KIF4A: variants seen among roughly 807,000 people sequenced by gnomAD.
The protein encoded by KIF4A is chromosome-associated kinesin KIF4A.
A neutral mutation model predicts 105.9 loss-of-function variants in KIF4A; 7 were observed. The observed-to-expected ratio is 0.07, with a 90% CI of 0.04 to 0.12. The LOEUF (loss-of-function observed/expected upper bound fraction) is 0.12. Ranked by LOEUF, KIF4A falls within the 10% of genes least tolerant of loss-of-function variation. KIF4A has a pLI of 1.00. For missense variants in KIF4A, 558 were observed against 929.2 expected (o/e 0.60, Z 5.19); for synonymous variants, 281 against 331.3 (o/e 0.85, Z 1.65).
intron 13 of KIF4A, among the ~76,000 whole-genome samples, chrX:70,349,563 G>T (rs1253431070): frequency 1.6e-5 from 1 of 61,674 alleles, no homozygotes; most frequent in South Asian, 1.1e-3. Context: ...GCACTCCTCA[G>T]TTCCCAGACG....
chrX:70,387,987 G>A (rs747190249), intron 20 of KIF4A, among the ~76,000 whole-genome samples: 8 of 111,175 alleles, frequency 7.2e-5, no homozygotes, highest in Non-Finnish European at 1.5e-4. Flanking sequence ...GTATCCCTCT[G>A]TAATCCCTTC....
chrX:70,349,889 G>C (rs1220833287), intron 13 of KIF4A, among the ~76,000 whole-genome samples: 1 of 82,211 alleles, frequency 1.2e-5, no homozygotes, highest in African/African-American at 4.5e-5. Flanking sequence ...TCCTAGACGG[G>C]GTGGCGGCCG....
Position 70,404,717 on chromosome X carries a change from G to A in KIF4A, c.2793G>A (p.Val931=), listed in dbSNP as rs142098560. 4.2e-6 allele frequency: 5 copies of A among 1,198,371 alleles called. No homozygotes were observed. The highest frequency in any genetic ancestry group is 5.6e-6 in the Non-Finnish European group (5 of 887,262). Residue 931 remains valine (V), a splice_region_variant and synonymous_variant, in exon 25 of 31, where the codon GTG becomes GTA. Coordinates refer to ENST00000374403, the MANE Select transcript of KIF4A (RefSeq NM_012310.5). The part of the protein sequence containing the change: ...VRMEQQHQEK[V]LYLLSQLQQS... ...CATTGGATCGTGTCTTTCTCTAGGT[G>A]CTGTACCTTCTCAGCCAGCTGCAGC...
At chrX:70,395,586 A>C in intron 20 of KIF4A, 85 bp from the exon 21 acceptor site, 4 of 1,132,240 alleles carry the variant, frequency 3.5e-6, no homozygotes, top group Non-Finnish European at 4.8e-6. Flanking sequence ...CTCTGGTCCA[A>C]ATGAAGTTAA....
intron 7 of KIF4A, among the ~76,000 whole-genome samples, chrX:70,319,013 C>A (rs1485871422): frequency 5.4e-5 from 6 of 111,659 alleles, no homozygotes; most frequent in Admixed American, 2.9e-4. Flanking sequence ...GCCTGTAATC[C>A]CAGCACTTTG....
intron 14 of KIF4A, 124 bp downstream of exon 14, chrX:70,352,780 A>G (rs2086036383): frequency 4.5e-6 from 2 of 443,357 alleles, no homozygotes; most frequent in Non-Finnish European, 7.9e-6. Context: ...TGTTAAATCC[A>G]GAAATCTTTA....
rs2086040916 is a variant in KIF4A, at chrX:70,353,827, A to C, written c.1674+20A>C. 9.0e-7 allele frequency: 1 copy of C among 1,117,080 alleles called. No individual in the cohort carries two copies. The highest frequency in any genetic ancestry group is 3.2e-5 in the East Asian group (1 of 30,806). 92.1% of individuals were successfully genotyped at this position (1,117,080 alleles called of 1,213,427 possible). A position where few individuals can be genotyped will look rare whatever the true frequency, so the allele number is the denominator to read the frequency against. On this transcript the variant is annotated intron_variant, in intron 15 of 30. Coordinates refer to ENST00000374403, the MANE Select transcript of KIF4A (RefSeq NM_012310.5). The stretch of plus-strand genomic sequence containing the variant: ...TACCAGGTAAACTATTTCCTAGGGC[A>C]GTATTTGTTCATGTCTACAGTCTCT...
intron 15 of KIF4A, among the ~76,000 whole-genome samples, chrX:70,372,629 C>T (rs781491567): frequency 1.8e-4 from 20 of 113,003 alleles, no homozygotes; most frequent in African/African-American, 5.5e-4. Context: ...AGAGGGAGAC[C>T]GTGGAAAGAG....
intron 18 of KIF4A, among the ~76,000 whole-genome samples, chrX:70,386,366 A>G (rs1196409796): frequency 9.0e-6 from 1 of 111,410 alleles, no homozygotes; most frequent in Non-Finnish European, 1.9e-5. Context: ...TATTATTTCT[A>G]GTAGTTGATT....
At chrX:70,327,932 A>G (rs1437408003) in intron 7 of KIF4A, among the ~76,000 whole-genome samples, 1 of 111,856 alleles carries the variant, frequency 8.9e-6, no homozygotes, top group African/African-American at 3.2e-5. Context: ...CATAGGGTTC[A>G]GAGTAAGAGT....
chrX:70,333,165 C>T (rs1432003708), intron 9 of KIF4A, among the ~76,000 whole-genome samples: 1 of 108,792 alleles, frequency 9.2e-6, no homozygotes, highest in Admixed American at 9.8e-5. Flanking sequence ...ATGGTGAAAC[C>T]CTGTCTCTAC....
chrX:70,324,321 C>T lies in KIF4A; in HGVS notation c.779-5084C>T, dbSNP rs997279677. 8.9e-5 allele frequency among the ~76,000 whole-genome samples: 10 copies of T among 112,109 alleles called. No homozygotes were observed. In the South Asian group the frequency reaches 1.5e-3, roughly 17 times the overall value. ...TGTTTCCCCCATTAGACTTTGAGTT[C>T]CTTAAAAGCAGAGACCATTTCTTAT... On this transcript the variant is annotated intron_variant, in intron 7 of 30. Transcript: ENST00000374403.
intron 13 of KIF4A, among the ~76,000 whole-genome samples, chrX:70,347,711 C>A (rs986037172): frequency 1.9e-5 from 2 of 107,036 alleles, no homozygotes; most frequent in Non-Finnish European, 3.9e-5. Flanking sequence ...CGCGGTGGCT[C>A]ACGCCTGTAA....
At chrX:70,386,459 C>T (rs1288092595) in intron 18 of KIF4A, among the ~76,000 whole-genome samples, 159 bp from the exon 19 acceptor site, 3 of 111,940 alleles carry the variant, frequency 2.7e-5, no homozygotes, top group African/African-American at 9.7e-5. Flanking sequence ...AACATGGTTT[C>T]TAGAACTACG....
At chrX:70,343,415 C>G (rs770277257) in intron 11 of KIF4A, among the ~76,000 whole-genome samples, 67 of 111,048 alleles carry the variant, frequency 6.0e-4, no homozygotes, top group African/African-American at 2.1e-3. Context: ...GCAAAGTTCT[C>G]TATGGAATTA....
intron 7 of KIF4A, among the ~76,000 whole-genome samples, chrX:70,303,263 C>A (rs1315541022): frequency 8.9e-6 from 1 of 112,063 alleles, no homozygotes; most frequent in African/African-American, 3.2e-5. Flanking sequence ...TCTGCCCAGT[C>A]TTCTAGAATG....
At chrX:70,382,519 G>A (rs765598457) in intron 18 of KIF4A, among the ~76,000 whole-genome samples, 26 of 112,433 alleles carry the variant, frequency 2.3e-4, no homozygotes, top group African/African-American at 7.7e-4. Context: ...TCTCTTAGAA[G>A]AAAACATAGG....
chrX:70,356,010 A>C (rs1295341471), intron 15 of KIF4A, among the ~76,000 whole-genome samples: 1 of 111,893 alleles, frequency 8.9e-6, no homozygotes, highest in Non-Finnish European at 1.9e-5. Flanking sequence ...ACTTTTAAAA[A>C]CTTAGTTTTT....
chrX:70,329,597 A>C, intron 8 of KIF4A, 76 bp downstream of exon 8: 1 of 808,975 alleles, frequency 1.2e-6, no homozygotes, highest in Non-Finnish European at 1.8e-6. Context: ...TGAAATAGGT[A>C]AAAAGCCAGC....
Sources: allele counts gnomAD v4.1 joint callset (sites outside exome capture counted in the v4.1 genomes callset), GRCh38; gene constraint gnomAD v4.1.1; transcripts MANE v1.5; gene names NCBI Gene and HGNC (gene_info 2026-07-23, HGNC 2026-07-21).